MIDN: variants seen among roughly 807,000 people sequenced by gnomAD.
MIDN encodes the protein midnolin.
A neutral mutation model predicts 46.1 loss-of-function variants in MIDN; 26 were observed. That is an observed-to-expected ratio of 0.56 (90% CI 0.41 to 0.78). The LOEUF (loss-of-function observed/expected upper bound fraction) is 0.78, where lower values mean the gene tolerates loss of function less well. MIDN is among the 30% of genes least tolerant of loss of function. The pLI, the probability that MIDN is intolerant of heterozygous loss-of-function variation, is 0.00. For missense variants in MIDN, 850 were observed against 771.8 expected (o/e 1.10, Z -1.20); for synonymous variants, 432 against 343.3 (o/e 1.26, Z -2.86).
In MIDN at chr19:1,254,153, C is replaced by T. The variant is rs764900088; in HGVS notation, c.514-14C>T. 63 of 1,588,472 alleles carry T rather than the reference C, an allele frequency of 4.0e-5. No individual in the cohort carries two copies. Among genetic ancestry groups the T allele is most frequent in the Non-Finnish European group, 5.0e-5 (59 of 1,173,256 alleles). ...AAGCTGGGGCTCCCAGCTGACGGACCGCTCTCCTTGCAGGTCAGTGACTTC... is the reference window on the plus strand; with the variant it reads ...AAGCTGGGGCTCCCAGCTGACGGACTGCTCTCCTTGCAGGTCAGTGACTTC... On this transcript the variant is annotated splice_polypyrimidine_tract_variant and intron_variant, in intron 5 of 8. Coordinates refer to ENST00000682408, the MANE Select transcript of MIDN (RefSeq NM_001388306.1).
intron 4 of MIDN, 75 bp from the exon 5 acceptor site, chr19:1,253,879 A>T: frequency 7.9e-7 from 1 of 1,269,136 alleles, no homozygotes; most frequent in Non-Finnish European, 1.0e-6. Flanking sequence ...CTCTGGCCTC[A>T]GTTTCCCCTT....
At chr19:1,249,258 C>T (rs1250130778) in intron 1 of MIDN, among the ~76,000 whole-genome samples, 1 of 149,268 alleles carries the variant, frequency 6.7e-6, no homozygotes, top group Admixed American at 6.7e-5. Context: ...GAGGTGCGGG[C>T]GCCCCGCCCC....
intron 7 of MIDN, 30 bp from the exon 8 acceptor site, chr19:1,255,392 C>G (rs1219386050): frequency 2.5e-5 from 39 of 1,553,082 alleles, no homozygotes; most frequent in Non-Finnish European, 3.1e-5. Flanking sequence ...TGTGCCCGTG[C>G]CGGGCACTCA....
chr19:1,249,765 T>TCGGCGCGCGGCGATTGGC (rs1251845308), intron 1 of MIDN, 125 bp from the exon 2 acceptor site: 1 of 150,268 alleles, frequency 6.7e-6, no homozygotes, highest in African/African-American at 2.4e-5. Flanking sequence ...GACTGGGCGC[T>TCGGCGCGCGGCGATTGGC]CGGCGCGCGG....
chr19:1,256,250 G>A (rs2081197604), intron 8 of MIDN, among the ~76,000 whole-genome samples: 1 of 152,234 alleles, frequency 6.6e-6, no homozygotes, highest in Non-Finnish European at 1.5e-5. Context: ...TTGGGAGGCC[G>A]ACGCGGGCGG....
chr19:1,253,002 C>T (rs1204049132), intron 4 of MIDN, among the ~76,000 whole-genome samples: 1 of 146,532 alleles, frequency 6.8e-6, no homozygotes, highest in Non-Finnish European at 1.5e-5. Context: ...ACACCCTCCT[C>T]CCTGGGCGCC....
chr19:1,257,955 G>A lies in MIDN; in HGVS notation c.*683G>A, dbSNP rs913415408. Reference sequence around the variant, plus strand: ...TAACAAGGAGAGCAAAGCTGTTTTAGCAGAGGCTGGGGCTGAGGTCCCCAT... The same window carrying A: ...TAACAAGGAGAGCAAAGCTGTTTTAACAGAGGCTGGGGCTGAGGTCCCCAT... On this transcript the variant is annotated 3_prime_UTR_variant, in exon 9 of 9. Coordinates refer to ENST00000682408, the MANE Select transcript of MIDN (RefSeq NM_001388306.1). 6.6e-6 allele frequency: 1 copy of A among 152,324 alleles called. No individual in the cohort carries two copies. Among genetic ancestry groups the A allele is most frequent in the African/African-American group, 2.4e-5 (1 of 41,378 alleles). 9.4% of individuals were successfully genotyped at this position (152,324 alleles called of 1,614,324 possible).
chr19:1,253,409 G>A (rs992213560), intron 4 of MIDN, among the ~76,000 whole-genome samples: 1 of 125,644 alleles, frequency 8.0e-6, no homozygotes, highest in African/African-American at 3.4e-5. Flanking sequence ...TCACTTCTCA[G>A]AAACCTCCGC....
At position 1,257,962 on chromosome 19, in the gene MIDN, C is replaced by G. The variant is rs946089405; in HGVS notation, c.*690C>G. The G allele has an allele frequency of 6.6e-6, 1 of 152,434 alleles. No homozygotes were observed. Among genetic ancestry groups the G allele is most frequent in the Admixed American group, 6.5e-5 (1 of 15,278 alleles). 9.4% of individuals were successfully genotyped at this position (152,434 alleles called of 1,614,324 possible). A position where few individuals can be genotyped will look rare whatever the true frequency, so the allele number is the denominator to read the frequency against. ...GAGAGCAAAGCTGTTTTAGCAGAGGCTGGGGCTGAGGTCCCCATGGGGTTT... is the reference window on the plus strand; with the variant it reads ...GAGAGCAAAGCTGTTTTAGCAGAGGGTGGGGCTGAGGTCCCCATGGGGTTT... On this transcript the variant is annotated 3_prime_UTR_variant, in exon 9 of 9. Coordinates refer to ENST00000682408, the MANE Select transcript of MIDN (RefSeq NM_001388306.1).
chr19:1,248,921 G>T (rs58837341), intron 1 of MIDN, among the ~76,000 whole-genome samples: 79,190 of 151,612 alleles, frequency 0.52, 21,992 homozygotes, highest in African/African-American at 0.72. Flanking sequence ...GCCCTCCGTT[G>T]CCCAGCCACA....
At position 1,254,951 on chromosome 19, in the gene MIDN, G is replaced by A. The variant is rs771979004; in HGVS notation, c.875G>A (p.Ser292Asn). Residue 292 changes from serine to asparagine, a missense_variant, in exon 7 of 9, where the codon AGC becomes AAC. Ser to Asn is a conservative substitution (Grantham distance 46, BLOSUM62 1). Transcript: ENST00000682408. ...AGCAGCAGTGCCAGTCCTGGTGCCAGCACCACGTCTACCCCAGGGGCCAGC... is the reference window on the plus strand; with the variant it reads ...AGCAGCAGTGCCAGTCCTGGTGCCAACACCACGTCTACCCCAGGGGCCAGC... ...TASSSASPGA[S>N]TTSTPGASPA... 2.5e-6 allele frequency: 4 copies of A among 1,612,338 alleles called. No individual in the cohort carries two copies. In the South Asian group the frequency reaches 4.4e-5, roughly 18 times the overall value.
chr19:1,254,251 G>A lies in MIDN; in HGVS notation c.598G>A (p.Ala200Thr), dbSNP rs766611057. Residue 200 changes from alanine (A) to threonine (T), a missense_variant, in exon 6 of 9, where the codon GCG becomes ACG. Transcript: ENST00000682408. Reference sequence around the variant, plus strand: ...CATGATGTTCGTGCAGCTGCAGCTCGCGGCCCAGCACGCTCCACTGCAACA... The same window carrying A: ...CATGATGTTCGTGCAGCTGCAGCTCACGGCCCAGCACGCTCCACTGCAACA... ...DHMMFVQLQL[A>T]AQHAPLQHRH... The A allele has an allele frequency of 4.4e-6, 7 of 1,591,736 alleles. No individual in the cohort carries two copies. Among genetic ancestry groups the A allele is most frequent in the Admixed American group, 1.7e-5 (1 of 59,304 alleles).
chr19:1,253,011 C>T (rs1373806272), intron 4 of MIDN, among the ~76,000 whole-genome samples: 7 of 136,846 alleles, frequency 5.1e-5, no homozygotes, highest in South Asian at 2.4e-4. Context: ...TCCCTGGGCG[C>T]CTGCGTCAGG....
At chr19:1,255,144 C>T (rs2081182743) in intron 7 of MIDN, 83 bp downstream of exon 7, 2 of 1,472,186 alleles carry the variant, frequency 1.4e-6, no homozygotes, top group Non-Finnish European at 1.9e-6. Flanking sequence ...ACAGGCGACT[C>T]CACATATTCT....
Position 1,254,381 on chromosome 19 carries a change from G to A in MIDN, c.728G>A (p.Arg243Gln), listed in dbSNP as rs755188181. 22 of 1,561,010 alleles carry A rather than the reference G, an allele frequency of 1.4e-5. No homozygotes were observed. The highest frequency in any genetic ancestry group is 1.7e-4 in the Middle Eastern group (1 of 6,026). The change falls in exon 6 of 9, where the codon CGA becomes CAA. Residue 243 changes from arginine to glutamine, a missense_variant. By Grantham distance (43) the Arg-to-Gln change is conservative. Coordinates refer to ENST00000682408, the MANE Select transcript of MIDN (RefSeq NM_001388306.1). ...TGCCGGCCGGTGTCCAGTGCCGCCC[G>A]AGTCCCCCCGGTGCCCACCAGCCCG... The part of the protein sequence containing the change: ...SPCRPVSSAA[R>Q]VPPVPTSPSP...
chr19:1,254,858 C>T, intron 6 of MIDN, 44 bp from the exon 7 acceptor site: 2 of 1,562,104 alleles, frequency 1.3e-6, no homozygotes, highest in Non-Finnish European at 1.7e-6. Context: ...CTGGTGATCC[C>T]CTGATCCTGG....
At position 1,257,063 on chromosome 19, in the gene MIDN, C is replaced by T; in HGVS notation, c.1327C>T (p.Gln443Ter). ...CKVERLQLLL[Q>*]QKRLRRKARR... The stretch of plus-strand genomic sequence containing the variant: ...GGTGGAACGGCTGCAGCTGCTTCTG[C>T]AGCAGAAACGGCTCCGTAGAAAGGC... The change falls in exon 9 of 9, where the codon CAG becomes TAG. Residue 443 changes from glutamine to a stop codon, truncating the protein, a stop_gained. Coordinates refer to ENST00000682408, the MANE Select transcript of MIDN (RefSeq NM_001388306.1). LOFTEE classifies it high-confidence loss of function. 1 of 1,612,442 alleles carries T rather than the reference C, an allele frequency of 6.2e-7. No homozygotes were observed. The highest frequency in any genetic ancestry group is 8.5e-7 in the Non-Finnish European group (1 of 1,179,950).
chr19:1,249,035 C>A (rs945947063), intron 1 of MIDN, among the ~76,000 whole-genome samples: 2 of 151,974 alleles, frequency 1.3e-5, no homozygotes, highest in African/African-American at 2.4e-5. Context: ...GCGGCGCCCC[C>A]TCCCCGGGAC....
chr19:1,250,485 C>T lies in MIDN; in HGVS notation c.189C>T (p.Arg63=), dbSNP rs773280587. 2.9e-6 allele frequency: 4 copies of T among 1,365,582 alleles called. No homozygotes were observed. Among genetic ancestry groups the T allele is most frequent in the East Asian group, 3.2e-5 (1 of 31,070 alleles). The allele number at this position is 1,365,582 out of a possible 1,614,324, so 84.6% of individuals were successfully genotyped here. A position where few individuals can be genotyped will look rare whatever the true frequency, so the allele number is the denominator to read the frequency against. ...GGCTGCGCAAGCGGTTGTCCCAGCG[C>T]CTCAAAGTGCCCAAGGAGCGCCTGG... ...VEGLRKRLSQ[R]LKVPKERLAL... Residue 63 remains arginine (R), a synonymous_variant, in exon 2 of 9, where the codon CGC becomes CGT. Transcript: ENST00000682408.
Sources: allele counts gnomAD v4.1 joint callset (sites outside exome capture counted in the v4.1 genomes callset), GRCh38; gene constraint gnomAD v4.1.1; transcripts MANE v1.5; gene names NCBI Gene and HGNC (gene_info 2026-07-23, HGNC 2026-07-21).